CFAP97D2: variants seen among roughly 807,000 people sequenced by gnomAD.
CFAP97D2 encodes CFAP97 domain containing 2.
intron 1 of CFAP97D2, among the ~76,000 whole-genome samples, chr13:114,192,261 C>G (rs1045668259): frequency 6.6e-6 from 1 of 151,950 alleles, no homozygotes; most frequent in Non-Finnish European, 1.5e-5. Context: ...GTAGGTTCAT[C>G]GATTGTAACA....
At chr13:114,182,717 C>T (rs1014424243) in intron 1 of CFAP97D2, among the ~76,000 whole-genome samples, 1 of 152,198 alleles carries the variant, frequency 6.6e-6, no homozygotes, top group African/African-American at 2.4e-5. Context: ...TCCTGCACAG[C>T]CCTAGATCCC....
At chr13:114,219,208 T>C (rs1157190454) in intron 4 of CFAP97D2, among the ~76,000 whole-genome samples, 1 of 152,218 alleles carries the variant, frequency 6.6e-6, no homozygotes, top group Non-Finnish European at 1.5e-5. Context: ...CTTTGGGTCA[T>C]TTTATTTTAT....
intron 4 of CFAP97D2, chr13:114,214,256 T>C (rs2080983992): frequency 6.6e-6 from 1 of 152,222 alleles, no homozygotes; most frequent in Admixed American, 6.5e-5. Context: ...GGACATCTCT[T>C]ATAGAATCCC....
At chr13:114,197,312 G>A (rs1357204705) in intron 2 of CFAP97D2, among the ~76,000 whole-genome samples, 16 of 152,132 alleles carry the variant, frequency 1.1e-4, no homozygotes, top group Admixed American at 1.0e-3. Context: ...TATCATGTTG[G>A]TATCTTATTG....
At chr13:114,214,788 T>C (rs912978741) in intron 4 of CFAP97D2, among the ~76,000 whole-genome samples, 2 of 152,242 alleles carry the variant, frequency 1.3e-5, no homozygotes, top group South Asian at 4.1e-4. Context: ...AGTCCTACTC[T>C]ACGTAGTTTT....
chr13:114,192,152 T>C (rs1393581165), intron 1 of CFAP97D2, among the ~76,000 whole-genome samples: 3 of 152,318 alleles, frequency 2.0e-5, no homozygotes, highest in Admixed American at 2.0e-4. Flanking sequence ...CAGTGACGGA[T>C]ACCTGTTATT....
At chr13:114,181,835 C>T (rs2080833417) in intron 1 of CFAP97D2, among the ~76,000 whole-genome samples, 1 of 152,110 alleles carries the variant, frequency 6.6e-6, no homozygotes, top group Admixed American at 6.5e-5. Flanking sequence ...GCCCAGCCTT[C>T]CCCCTCAGAG....
chr13:114,182,583 C>T (rs2080839843), intron 1 of CFAP97D2, among the ~76,000 whole-genome samples: 1 of 152,194 alleles, frequency 6.6e-6, no homozygotes, highest in Non-Finnish European at 1.5e-5. Context: ...CAATACCCCG[C>T]TTTCAAGGGC....
chr13:114,208,843 A>G (rs570949533), intron 3 of CFAP97D2, among the ~76,000 whole-genome samples: 2 of 152,308 alleles, frequency 1.3e-5, no homozygotes, highest in South Asian at 2.1e-4. Flanking sequence ...TTTTCTATAC[A>G]GAAGCCTGGA....
At position 114,186,005 on chromosome 13, in the gene CFAP97D2, T is replaced by G; in HGVS notation, c.90+6585T>G. Among the ~76,000 whole-genome samples the G allele has an allele frequency of 6.6e-6, 1 of 152,184 alleles. No individual in the cohort carries two copies. Among genetic ancestry groups the G allele is most frequent in the East Asian group, 1.9e-4 (1 of 5,202 alleles). On this transcript the variant is annotated intron_variant, in intron 1 of 4. Coordinates refer to ENST00000646158, the Ensembl canonical transcript of CFAP97D2. The surrounding 1 kb of genome is among the most constrained non-coding windows in gnomAD (Gnocchi z 4.3). ...TGCAAGCCAGAGAGGGAACTTGTGG[T>G]GCTTTTCCCTGGGTCTGCCCATGGC...
At chr13:114,202,747 T>C (rs7987202) in intron 3 of CFAP97D2, among the ~76,000 whole-genome samples, 2 of 151,834 alleles carry the variant, frequency 1.3e-5, no homozygotes, top group African/African-American at 4.8e-5. Flanking sequence ...GTTCTGCCCA[T>C]TTCCTGTTTG....
At chr13:114,221,527 C>T (rs776970333) in intron 4 of CFAP97D2, among the ~76,000 whole-genome samples, 10 of 152,136 alleles carry the variant, frequency 6.6e-5, no homozygotes, top group Non-Finnish European at 1.5e-4. Context: ...TTAGTAAATG[C>T]AAATGAAGAC....
At chr13:114,202,803 A>C (rs2080924286) in intron 3 of CFAP97D2, among the ~76,000 whole-genome samples, 1 of 152,154 alleles carries the variant, frequency 6.6e-6, no homozygotes, top group South Asian at 2.1e-4. Flanking sequence ...TGATCCTAAG[A>C]CTACAGGAGC....
rs984275046 is a variant in CFAP97D2, at chr13:114,179,611, C to A, written c.90+191C>A. Among the ~76,000 whole-genome samples, 3 of 151,888 alleles carry A rather than the reference C, an allele frequency of 2.0e-5. No individual in the cohort carries two copies. The highest frequency in any genetic ancestry group is 6.6e-5 in the Admixed American group (1 of 15,244). ...AATAAAAATCTCATTAAATAGTTGACGGCTTTCTTTCTTTCTTTTTTTTTT... is the reference window on the plus strand; with the variant it reads ...AATAAAAATCTCATTAAATAGTTGAAGGCTTTCTTTCTTTCTTTTTTTTTT... On this transcript the variant is annotated intron_variant, in intron 1 of 4. Coordinates refer to ENST00000646158, the Ensembl canonical transcript of CFAP97D2. The surrounding 1 kb of genome is among the most constrained non-coding windows in gnomAD (Gnocchi z 4.8).
chr13:114,200,549 G>A, intron 3 of CFAP97D2, 106 bp downstream of exon 3: 1 of 394,368 alleles, frequency 2.5e-6, no homozygotes, highest in Non-Finnish European at 4.5e-6. Flanking sequence ...GAGTCGAGGC[G>A]TTTCTGTCCT....
At chr13:114,182,917 A>C (rs2080841922) in intron 1 of CFAP97D2, among the ~76,000 whole-genome samples, 1 of 151,992 alleles carries the variant, frequency 6.6e-6, no homozygotes, top group African/African-American at 2.4e-5. Flanking sequence ...TGACAGTCTG[A>C]TCTCTCTTTC....
At chr13:114,195,001 GA>G (rs968633612) in intron 1 of CFAP97D2, among the ~76,000 whole-genome samples, 2 of 152,172 alleles carry the variant, frequency 1.3e-5, no homozygotes, top group African/African-American at 4.8e-5. Context: ...CACCTGGTAT[GA>G]AAACTGAAAG....
At chr13:114,181,140 A>G (rs1303509004) in intron 1 of CFAP97D2, among the ~76,000 whole-genome samples, 1 of 152,238 alleles carries the variant, frequency 6.6e-6, no homozygotes, top group East Asian at 1.9e-4. Flanking sequence ...GAAAAGAGGG[A>G]CTGGGTGTCT....
At chr13:114,206,882 G>A (rs371081132) in intron 3 of CFAP97D2, among the ~76,000 whole-genome samples, 1 of 152,344 alleles carries the variant, frequency 6.6e-6, no homozygotes, top group East Asian at 1.9e-4. Flanking sequence ...CAAATGGCAA[G>A]GGACCAGGGT....
Sources: allele counts gnomAD v4.1 joint callset (sites outside exome capture counted in the v4.1 genomes callset), GRCh38; gene constraint gnomAD v4.1.1; non-coding constraint Gnocchi (gnomAD v3.1); transcripts MANE v1.5; gene names NCBI Gene and HGNC (gene_info 2026-07-23, HGNC 2026-07-21).